NCAM2: variants seen among roughly 807,000 people sequenced by gnomAD.
NCAM2 encodes the protein N-CAM-2.
NCAM2 carries 30 observed loss-of-function variants against 98.1 expected under a neutral mutation model. The ratio of observed to expected loss-of-function variants is 0.31; its 90% CI spans 0.23 to 0.41. The LOEUF is 0.41. NCAM2 is among the 10% of genes least tolerant of loss of function. NCAM2 has a pLI of 1.00. For missense variants in NCAM2, 867 were observed against 1,005.8 expected, an observed-to-expected ratio of 0.86 and a Z score of 1.87; for synonymous variants, 368 against 342.4, an observed-to-expected ratio of 1.07 and a Z score of -0.83.
intron 16 of NCAM2, among the ~76,000 whole-genome samples, chr21:21,523,151 T>C (rs1989127567): frequency 6.6e-6 from 1 of 152,174 alleles, no homozygotes; most frequent in Admixed American, 6.5e-5. Flanking sequence ...CTCTTCACTT[T>C]ACTGATGGTT....
chr21:21,317,638 T>C (rs2074258194), intron 5 of NCAM2, among the ~76,000 whole-genome samples: 1 of 152,104 alleles, frequency 6.6e-6, no homozygotes, highest in Admixed American at 6.5e-5. Flanking sequence ...GCTCAAGCTA[T>C]CCTCCCATCT....
At chr21:21,520,393 A>C (rs1248460856) in intron 16 of NCAM2, among the ~76,000 whole-genome samples, 2 of 152,308 alleles carry the variant, frequency 1.3e-5, no homozygotes, top group South Asian at 4.1e-4. Flanking sequence ...AGTAGGAATT[A>C]ACTAGCTCGT....
At chr21:21,200,910 G>A (rs2069195145) in intron 1 of NCAM2, among the ~76,000 whole-genome samples, 1 of 151,906 alleles carries the variant, frequency 6.6e-6, no homozygotes, top group African/African-American at 2.4e-5. Flanking sequence ...AGATTCTCGG[G>A]TGTAGTGATA....
intron 1 of NCAM2, among the ~76,000 whole-genome samples, chr21:21,192,093 C>T (rs760777766): frequency 7.2e-5 from 11 of 152,068 alleles, no homozygotes; most frequent in East Asian, 3.9e-4. Flanking sequence ...CATGGTGGCG[C>T]GCTGCTCTAA....
intron 1 of NCAM2, among the ~76,000 whole-genome samples, chr21:21,274,791 A>G (rs1441073442): frequency 6.6e-6 from 1 of 152,168 alleles, no homozygotes; most frequent in Admixed American, 6.5e-5. Flanking sequence ...TCAGTGTCTT[A>G]AGTTATCTCC....
intron 16 of NCAM2, among the ~76,000 whole-genome samples, chr21:21,531,703 CTT>C (rs1053555886): frequency 2.0e-5 from 3 of 151,780 alleles, no homozygotes; most frequent in Admixed American, 2.0e-4. Context: ...CTCATTTACT[CTT>C]TTTAATTCTA....
chr21:21,340,882 A>T (rs892745102), intron 8 of NCAM2, among the ~76,000 whole-genome samples: 1 of 151,988 alleles, frequency 6.6e-6, no homozygotes, highest in African/African-American at 2.4e-5. Flanking sequence ...TCTTTTTAAT[A>T]TGAGTTTTTA....
At chr21:21,146,546 G>GATATATATATATATATAT (rs201917811) in intron 1 of NCAM2, among the ~76,000 whole-genome samples, 53 of 50,364 alleles carry the variant, frequency 1.1e-3, no homozygotes, top group African/African-American at 1.8e-3. Flanking sequence ...ATACTTACAG[G>GATATATATATATATATAT]ATATATATAT....
intron 9 of NCAM2, among the ~76,000 whole-genome samples, chr21:21,404,754 A>G (rs932729676): frequency 6.6e-6 from 1 of 151,742 alleles, no homozygotes; most frequent in African/African-American, 2.4e-5. Flanking sequence ...GAATATGTAT[A>G]TATTCATATG....
At chr21:21,040,132 A>C (rs568203817) in intron 1 of NCAM2, among the ~76,000 whole-genome samples, 1 of 152,318 alleles carries the variant, frequency 6.6e-6, no homozygotes, top group East Asian at 1.9e-4. Flanking sequence ...GCTGCCAGCC[A>C]TGAAGATTTT....
chr21:21,275,617 C>T (rs2072699951), intron 1 of NCAM2, among the ~76,000 whole-genome samples: 1 of 151,986 alleles, frequency 6.6e-6, no homozygotes, highest in Non-Finnish European at 1.5e-5. Flanking sequence ...ATCAATAACC[C>T]TTGTGTCAAC....
intron 1 of NCAM2, among the ~76,000 whole-genome samples, chr21:21,170,958 A>AT (rs1555896237): frequency 6.6e-6 from 1 of 151,832 alleles, no homozygotes; most frequent in Non-Finnish European, 1.5e-5. Context: ...CTAAAAAAAA[A>AT]TGTTACGAGT....
At position 21,183,997 on chromosome 21, in the gene NCAM2, T is replaced by G. The variant is rs1208013624; in HGVS notation, c.56-96581T>G. 1.3e-5 allele frequency among the ~76,000 whole-genome samples: 2 copies of G among 152,124 alleles called. 1 individual carries two copies. The highest frequency in any genetic ancestry group is 4.1e-4 in the South Asian group (2 of 4,828). The stretch of plus-strand genomic sequence containing the variant: ...ATCAGTTTATGATCCTAATAAGAAT[T>G]TACCAGAATGTTTATTATCTTAGGT... On this transcript the variant is annotated intron_variant, in intron 1 of 17. Transcript: ENST00000400546.
rs114543274 is a variant in NCAM2 at position 21,343,798 on chromosome 21, T to C, written c.1044+5264T>C. On this transcript the variant is annotated intron_variant, in intron 8 of 17. Coordinates refer to ENST00000400546, the MANE Select transcript of NCAM2 (RefSeq NM_004540.5). ...CTCCCAGTAAACTTGAAAAAACTTA[T>C]GAAACTCTAGGCCATAAGGACTGCA... 7.4e-3 allele frequency among the ~76,000 whole-genome samples: 1,122 copies of C among 152,186 alleles called. 16 individuals are homozygous for C. Among genetic ancestry groups the C allele is most frequent in the African/African-American group, 0.026 (1,065 of 41,536 alleles).
At chr21:21,254,898 TTGTGTG>T (rs34003442) in intron 1 of NCAM2, among the ~76,000 whole-genome samples, 3,487 of 147,852 alleles carry the variant, frequency 0.024, 62 homozygotes, top group Admixed American at 0.046. Flanking sequence ...GGATAATAGT[TTGTGTG>T]TGTGTGTGTG....
At chr21:21,274,697 C>A (rs1205134500) in intron 1 of NCAM2, among the ~76,000 whole-genome samples, 4 of 152,086 alleles carry the variant, frequency 2.6e-5, no homozygotes, top group Non-Finnish European at 5.9e-5. Flanking sequence ...ATATCTTAGT[C>A]TTTTAACACT....
intron 1 of NCAM2, among the ~76,000 whole-genome samples, chr21:21,200,656 A>G (rs1047821610): frequency 1.3e-5 from 2 of 151,338 alleles, no homozygotes; most frequent in African/African-American, 4.9e-5. Context: ...CCACACTGCT[A>G]TCTTGTATTT....
intron 1 of NCAM2, among the ~76,000 whole-genome samples, chr21:21,086,499 A>G (rs1348220473): frequency 1.3e-5 from 2 of 152,186 alleles, no homozygotes; most frequent in Admixed American, 6.5e-5. Context: ...ATGCTATAGC[A>G]TACATGGTCA....
At chr21:21,310,535 T>C (rs2074013618) in intron 5 of NCAM2, among the ~76,000 whole-genome samples, 1 of 152,196 alleles carries the variant, frequency 6.6e-6, no homozygotes, top group African/African-American at 2.4e-5. Flanking sequence ...TAAAAATGTT[T>C]TTCTGCTTTA....
Sources: allele counts gnomAD v4.1 joint callset (sites outside exome capture counted in the v4.1 genomes callset), GRCh38; gene constraint gnomAD v4.1.1; transcripts MANE v1.5; gene names NCBI Gene and HGNC (gene_info 2026-07-23, HGNC 2026-07-21).